The following GABPB1 variants were observed in gnomAD, a reference collection of about 807,000 sequenced individuals.
The protein encoded by GABPB1 is GA binding protein transcription factor subunit beta 1.
GABPB1 carries 15 observed loss-of-function variants against 45.9 expected under a neutral mutation model. The ratio of observed to expected loss-of-function variants is 0.33; its 90% CI spans 0.22 to 0.50. The LOEUF is 0.50. Ranked by LOEUF, GABPB1 falls within the 20% of genes least tolerant of loss-of-function variation. GABPB1 has a pLI of 0.98. For missense variants in GABPB1, 252 were observed against 457.5 expected, an observed-to-expected ratio of 0.55 and a Z score of 4.10; for synonymous variants, 143 against 154.4, an observed-to-expected ratio of 0.93 and a Z score of 0.55.
At chr15:50,339,106 G>T (rs1311167739) in intron 1 of GABPB1, among the ~76,000 whole-genome samples, 1 of 152,060 alleles carries the variant, frequency 6.6e-6, no homozygotes, top group African/African-American at 2.4e-5. Context: ...TGACCTCAGG[G>T]TCAGGAGTTC....
intron 1 of GABPB1, among the ~76,000 whole-genome samples, chr15:50,320,851 G>T (rs1392683360): frequency 1.3e-5 from 2 of 152,152 alleles, no homozygotes; most frequent in Non-Finnish European, 2.9e-5. Context: ...CCTTAAAGAT[G>T]GAGGAAGGGG....
At position 50,276,439 on chromosome 15, in the gene GABPB1, G is replaced by A. The variant is rs566476239; in HGVS notation, c.*2193C>T. 2 of 152,312 alleles carry A rather than the reference G, an allele frequency of 1.3e-5. No homozygotes were observed. The highest frequency in any genetic ancestry group is 1.9e-4 in the East Asian group (1 of 5,188). 9.4% of individuals were successfully genotyped at this position (152,312 alleles called of 1,614,324 possible). On this transcript the variant is annotated 3_prime_UTR_variant, in exon 9 of 9. Coordinates refer to ENST00000380877, the MANE Select transcript of GABPB1 (RefSeq NM_016654.5). ...GTAAATGATTGAGAAATTATGTTAT[G>A]TAACAATGACTCTGAAAAAGGTGAG...
At chr15:50,287,339 T>C (rs1245497067) in intron 7 of GABPB1, among the ~76,000 whole-genome samples, 9 of 152,204 alleles carry the variant, frequency 5.9e-5, no homozygotes, top group Non-Finnish European at 1.0e-4. Flanking sequence ...AGAAAAAAAC[T>C]TGGTATTTGT....
chr15:50,350,369 TG>T (rs1485179333), intron 1 of GABPB1: 8 of 146,388 alleles, frequency 5.5e-5, no homozygotes, highest in African/African-American at 2.0e-4. Flanking sequence ...GCATCTAGTA[TG>T]CTCACAATTA....
chr15:50,325,697 A>T (rs2047730868), intron 1 of GABPB1, among the ~76,000 whole-genome samples: 1 of 151,648 alleles, frequency 6.6e-6, no homozygotes, highest in Admixed American at 6.6e-5. Context: ...ACGCCCAGCT[A>T]ATTTTTTGTA....
At chr15:50,299,618 C>T (rs543614760) in intron 6 of GABPB1, among the ~76,000 whole-genome samples, 3 of 152,166 alleles carry the variant, frequency 2.0e-5, no homozygotes, top group South Asian at 4.2e-4. Flanking sequence ...AGGCTGGTCT[C>T]GAACTCCTGA....
At chr15:50,311,741 G>T (rs2047138174) in intron 1 of GABPB1, among the ~76,000 whole-genome samples, 1 of 152,118 alleles carries the variant, frequency 6.6e-6, no homozygotes, top group Non-Finnish European at 1.5e-5. Context: ...AAGGAAGTTG[G>T]CAAATGGGGC....
chr15:50,334,274 C>T (rs554704652), intron 1 of GABPB1, among the ~76,000 whole-genome samples: 2 of 152,006 alleles, frequency 1.3e-5, no homozygotes, highest in South Asian at 4.1e-4. Context: ...GTCCCATTCT[C>T]TCTTCCTTTC....
intron 1 of GABPB1, chr15:50,353,564 ATT>A (rs1207549140): frequency 6.7e-6 from 1 of 149,352 alleles, no homozygotes; most frequent in Non-Finnish European, 1.5e-5. Flanking sequence ...TAATGGATTT[ATT>A]TTTTGTTTTT....
At chr15:50,306,132 C>G (rs1490574788) in intron 2 of GABPB1, among the ~76,000 whole-genome samples, 1 of 152,038 alleles carries the variant, frequency 6.6e-6, no homozygotes, top group Non-Finnish European at 1.5e-5. Flanking sequence ...AGCCACCATG[C>G]CTGACTAATT....
At chr15:50,344,287 G>C (rs2048485065) in intron 1 of GABPB1, among the ~76,000 whole-genome samples, 1 of 152,126 alleles carries the variant, frequency 6.6e-6, no homozygotes, top group Non-Finnish European at 1.5e-5. Context: ...TAAACAACTG[G>C]GAGTCATTCA....
intron 1 of GABPB1, among the ~76,000 whole-genome samples, chr15:50,311,940 A>G (rs1298629114): frequency 6.6e-6 from 1 of 152,250 alleles, no homozygotes; most frequent in Non-Finnish European, 1.5e-5. Context: ...ACAGATACTA[A>G]TACTTGGAGG....
rs537896986 is a variant in GABPB1, at chr15:50,329,906, C to CTTT, written c.1-20111_1-20109dup. Among the ~76,000 whole-genome samples the CTTT allele has an allele frequency of 1.9e-4, 28 of 145,464 alleles. 1 individual carries two copies. The highest frequency in any genetic ancestry group is 6.2e-4 in the Admixed American group (9 of 14,538). ...CTTATTCTCCACCCTTCCACTCTTA[C>CTTT]TTTTTTTTTTTTTCCCTGAAGGCAG... On this transcript the variant is annotated intron_variant, in intron 1 of 8. Coordinates refer to ENST00000380877, the MANE Select transcript of GABPB1 (RefSeq NM_016654.5).
rs1455126859 is a variant in GABPB1 at position 50,303,121 on chromosome 15, A to G, written c.279T>C (p.His93=). The part of the protein sequence containing the change: ...HASIVEVLLK[H]GADVNAKDML... ...TGTCCTTTGCATTGACATCAGCACC[A>G]TGCTACAAAAATATTTCAAAGAGTT... The change falls in exon 4 of 9, where the codon CAT becomes CAC. Residue 93 remains histidine (H), a splice_region_variant and synonymous_variant. Coordinates refer to ENST00000380877, the MANE Select transcript of GABPB1 (RefSeq NM_016654.5). 6.3e-7 allele frequency: 1 copy of G among 1,583,712 alleles called. No individual in the cohort carries two copies. The highest frequency in any genetic ancestry group is 8.6e-7 in the Non-Finnish European group (1 of 1,168,818).
chr15:50,328,086 TATAC>T (rs1407382018), intron 1 of GABPB1, among the ~76,000 whole-genome samples: 1 of 152,012 alleles, frequency 6.6e-6, no homozygotes, highest in Non-Finnish European at 1.5e-5. Flanking sequence ...AAATTTTCAT[TATAC>T]AAATTTTCAA....
intron 1 of GABPB1, among the ~76,000 whole-genome samples, chr15:50,348,420 T>C (rs1267882177): frequency 6.6e-6 from 1 of 152,000 alleles, no homozygotes; most frequent in Admixed American, 6.5e-5. Context: ...CTGGCTAATT[T>C]TTGTATTTTT....
intron 8 of GABPB1, among the ~76,000 whole-genome samples, chr15:50,282,560 G>GAAAAAAAAAAAAAAA (rs552203074): frequency 0.025 from 2,209 of 88,734 alleles, 395 homozygotes; most frequent in African/African-American, 0.031. Context: ...CCTTAAAAAA[G>GAAAAAAAAAAAAAAA]AAAAAAAAAA....
intron 8 of GABPB1, among the ~76,000 whole-genome samples, chr15:50,280,892 T>G (rs557793197): frequency 2.5e-4 from 38 of 152,230 alleles, no homozygotes; most frequent in Non-Finnish European, 4.3e-4. Context: ...CTAAAGCATC[T>G]TCTAGTATTA....
At chr15:50,290,992 TA>T (rs1221915781) in intron 6 of GABPB1, among the ~76,000 whole-genome samples, 1 of 152,088 alleles carries the variant, frequency 6.6e-6, no homozygotes, top group East Asian at 1.9e-4. Flanking sequence ...TTCATACTAG[TA>T]AAAAACTACA....
Sources: gnomAD v4.1 joint callset for allele counts (sites outside exome capture counted in the v4.1 genomes callset) on GRCh38, gnomAD v4.1.1 for gene constraint, MANE v1.5 for transcripts, NCBI Gene and HGNC (gene_info 2026-07-23, HGNC 2026-07-21) for gene names.